The following SLC8A1 variants were observed in gnomAD, a reference collection of about 807,000 sequenced individuals.
SLC8A1 encodes solute carrier family 8 member A1.
A neutral mutation model predicts 68.3 loss-of-function variants in SLC8A1; 18 were observed. The observed-to-expected ratio is 0.26, with a 90% CI of 0.18 to 0.39. The LOEUF (loss-of-function observed/expected upper bound fraction) is 0.39, where lower values mean the gene tolerates loss of function less well. Ranked by LOEUF, SLC8A1 falls within the 10% of genes least tolerant of loss-of-function variation. The pLI, the probability that SLC8A1 is intolerant of heterozygous loss-of-function variation, is 1.00. For synonymous variants in SLC8A1, 475 were observed against 415.5 expected, an observed-to-expected ratio of 1.14 and a Z score of -1.74; for missense variants, 985 against 1,156.7, an observed-to-expected ratio of 0.85 and a Z score of 2.15.
intron 1 of SLC8A1, among the ~76,000 whole-genome samples, chr2:40,503,362 T>C (rs186975450): frequency 3.0e-4 from 46 of 152,140 alleles, no homozygotes; most frequent in Admixed American, 2.9e-3. Context: ...TTCAGAACCA[T>C]GTCTCCAGCT....
At chr2:40,359,467 G>A (rs1419555376) in intron 2 of SLC8A1, among the ~76,000 whole-genome samples, 1 of 152,124 alleles carries the variant, frequency 6.6e-6, no homozygotes, top group Non-Finnish European at 1.5e-5. Flanking sequence ...GAAGCATTGG[G>A]AGGCTTTACG....
chr2:40,109,879 T>C (rs2034456788), exon 8 of SLC8A1: 1 of 152,166 alleles, frequency 6.6e-6, no homozygotes. Flanking sequence ...AAGCAAGTCT[T>C]CCTGAAAAAA....
chr2:40,393,999 A>C (rs73928973), intron 2 of SLC8A1, among the ~76,000 whole-genome samples: 12,353 of 152,112 alleles, frequency 0.081, 541 homozygotes, highest in African/African-American at 0.1. Context: ...CTTAGGTGAC[A>C]TGTGTCAATG....
At chr2:40,505,635 A>G (rs920865362) in intron 1 of SLC8A1, among the ~76,000 whole-genome samples, 2 of 151,990 alleles carry the variant, frequency 1.3e-5, no homozygotes, top group African/African-American at 4.8e-5. Context: ...TAGGCTGAAT[A>G]TAAGTCAAAG....
chr2:40,175,174 A>G, intron 3 of SLC8A1, 87 bp downstream of exon 4: 3 of 1,335,846 alleles, frequency 2.2e-6, no homozygotes, highest in South Asian at 2.5e-5. Flanking sequence ...CAAGAGAAAT[A>G]AAAGTCACAG....
At chr2:40,162,185 C>T (rs2045807094) in intron 5 of SLC8A1, among the ~76,000 whole-genome samples, 1 of 152,190 alleles carries the variant, frequency 6.6e-6, no homozygotes, top group African/African-American at 2.4e-5. Context: ...ACTGCTGGTG[C>T]CCCTGATAAC....
intron 2 of SLC8A1, among the ~76,000 whole-genome samples, chr2:40,228,116 G>A (rs1261709361): frequency 6.6e-6 from 1 of 152,140 alleles, no homozygotes; most frequent in Non-Finnish European, 1.5e-5. Flanking sequence ...TTTCATCAGT[G>A]CAAGTGTTGA....
chr2:40,412,193 T>C (rs1692353445), intron 2 of SLC8A1, among the ~76,000 whole-genome samples: 1 of 152,112 alleles, frequency 6.6e-6, no homozygotes, highest in South Asian at 2.1e-4. Flanking sequence ...CAGAATATAT[T>C]AATGTCAAGG....
chr2:40,464,614 A>G (rs1249357645), intron 1 of SLC8A1, among the ~76,000 whole-genome samples: 1 of 152,174 alleles, frequency 6.6e-6, no homozygotes, highest in Non-Finnish European at 1.5e-5. Flanking sequence ...GTGAAAGACT[A>G]CAGAGGAGGA....
At chr2:40,352,421 A>C in intron 2 of SLC8A1, among the ~76,000 whole-genome samples, 1 of 152,162 alleles carries the variant, frequency 6.6e-6, no homozygotes, top group Non-Finnish European at 1.5e-5. Flanking sequence ...TTTTATTGGG[A>C]AATGGATGTT....
intron 2 of SLC8A1, among the ~76,000 whole-genome samples, chr2:40,409,286 C>T (rs1001939207): frequency 4.6e-5 from 7 of 151,788 alleles, no homozygotes; most frequent in African/African-American, 9.7e-5. Flanking sequence ...TTTTTTCCTA[C>T]GGGAAAAAAC....
intron 2 of SLC8A1, among the ~76,000 whole-genome samples, chr2:40,257,688 A>T (rs1417503233): frequency 1.3e-5 from 2 of 152,192 alleles, no homozygotes; most frequent in Non-Finnish European, 2.9e-5. Context: ...TAAATAGATA[A>T]TTTCCCAATC....
chr2:40,121,640 T>C (rs749535718), intron 7 of SLC8A1, among the ~76,000 whole-genome samples: 2 of 152,154 alleles, frequency 1.3e-5, no homozygotes, highest in African/African-American at 2.4e-5. Flanking sequence ...ACCTACTTCA[T>C]AGGGTTTTGA....
At chr2:40,199,737 T>A (rs976973585) in intron 2 of SLC8A1, among the ~76,000 whole-genome samples, 12 of 151,700 alleles carry the variant, frequency 7.9e-5, no homozygotes, top group Admixed American at 6.6e-4. Flanking sequence ...GTTTGCAGTT[T>A]GACATGTTGC....
intron 1 of SLC8A1, among the ~76,000 whole-genome samples, chr2:40,441,206 A>G (rs1203929428): frequency 1.3e-5 from 2 of 152,138 alleles, no homozygotes; most frequent in African/African-American, 2.4e-5. Flanking sequence ...AATATTTGGG[A>G]ACATAGCTTA....
intron 4 of SLC8A1, among the ~76,000 whole-genome samples, chr2:40,173,165 C>A (rs1234722510): frequency 4.6e-5 from 7 of 152,018 alleles, no homozygotes; most frequent in African/African-American, 1.2e-4. Flanking sequence ...ACTGGCTTGC[C>A]AAATTTATAC....
chr2:40,503,013 G>C (rs1403674409), intron 1 of SLC8A1, among the ~76,000 whole-genome samples: 1 of 151,548 alleles, frequency 6.6e-6, no homozygotes. Context: ...GGATAAAGGG[G>C]CCTTCTGAAG....
In SLC8A1 at chr2:40,179,627, A is replaced by G. The variant is rs376646431; in HGVS notation, c.1809-1772T>C. 3.9e-5 allele frequency among the ~76,000 whole-genome samples: 6 copies of G among 152,366 alleles called. No individual in the cohort carries two copies. In the South Asian group the frequency reaches 6.2e-4, roughly 16 times the overall value. On this transcript the variant is annotated intron_variant, in intron 2 of 7. Coordinates refer to ENST00000406785, the Ensembl canonical transcript of SLC8A1. Reference sequence around the variant, plus strand: ...AATTCTGATCAATGTTTTTGAAACAATGAGTGTTTGTAGACAACGGAATTT... The same window carrying G: ...AATTCTGATCAATGTTTTTGAAACAGTGAGTGTTTGTAGACAACGGAATTT...
intron 2 of SLC8A1, among the ~76,000 whole-genome samples, chr2:40,200,650 A>G (rs898991841): frequency 2.6e-5 from 4 of 151,708 alleles, no homozygotes; most frequent in Admixed American, 2.6e-4. Flanking sequence ...TGAAAATGCC[A>G]ACAAGCAGTC....
Sources: gnomAD v4.1 joint callset for allele counts (sites outside exome capture counted in the v4.1 genomes callset) on GRCh38, gnomAD v4.1.1 for gene constraint, MANE v1.5 for transcripts, NCBI Gene and HGNC (gene_info 2026-07-23, HGNC 2026-07-21) for gene names.